The following NOX4 variants were observed in gnomAD, a reference collection of about 807,000 sequenced individuals.
NOX4 encodes kidney oxidase-1.
Under a neutral mutation model 87.6 loss-of-function variants are expected in NOX4, and 69 were observed. That is an observed-to-expected ratio of 0.79 (90% CI 0.65 to 0.96). NOX4 has a LOEUF of 0.96. NOX4 is among the 40% of genes least tolerant of loss of function. The pLI, the probability that NOX4 is intolerant of heterozygous loss-of-function variation, is 0.00. For missense variants in NOX4, 680 were observed against 681.5 expected, an observed-to-expected ratio of 1.00 and a Z score of 0.02; for synonymous variants, 275 against 238.2, an observed-to-expected ratio of 1.15 and a Z score of -1.42.
the NOX4 span, among the ~76,000 whole-genome samples, chr11:89,508,234 G>A: frequency 6.6e-6 from 1 of 152,004 alleles, no homozygotes; most frequent in Non-Finnish European, 1.5e-5. Context: ...CCTCAAAAGT[G>A]AAGTTCCCAA....
chr11:89,491,849 A>T (rs1385916178), upstream of NOX4, among the ~76,000 whole-genome samples: 1 of 152,040 alleles, frequency 6.6e-6, no homozygotes, highest in Non-Finnish European at 1.5e-5. Flanking sequence ...TTTGAGCCGG[A>T]AACAGCCTTT....
At chr11:89,438,410 T>A (rs1186621611) in intron 6 of NOX4, among the ~76,000 whole-genome samples, 1 of 111,392 alleles carries the variant, frequency 9.0e-6, no homozygotes, top group Non-Finnish European at 1.6e-5. Context: ...AAATAATATA[T>A]AATATATAAT....
At chr11:89,540,254 T>C in the NOX4 span, among the ~76,000 whole-genome samples, 1 of 152,134 alleles carries the variant, frequency 6.6e-6, no homozygotes, top group African/African-American at 2.4e-5. Context: ...TCAGTTCTTT[T>C]ATTAGGCTAT....
intron 2 of NOX4, among the ~76,000 whole-genome samples, chr11:89,479,166 C>T (rs1189080602): frequency 6.6e-6 from 1 of 152,072 alleles, no homozygotes; most frequent in East Asian, 1.9e-4. Context: ...GTCTATGCTT[C>T]CATATAAGGT....
At chr11:89,435,970 T>C (rs80010051) in intron 6 of NOX4, among the ~76,000 whole-genome samples, 5,469 of 152,198 alleles carry the variant, frequency 0.036, 325 homozygotes, top group African/African-American at 0.12. Flanking sequence ...GAACTTACAA[T>C]TAGCAAGGGC....
chr11:89,574,970 G>A, the NOX4 span, among the ~76,000 whole-genome samples: 1 of 152,176 alleles, frequency 6.6e-6, no homozygotes, highest in Non-Finnish European at 1.5e-5. Flanking sequence ...ATCACTTAAG[G>A]TCAGGAGTTT....
Position 89,446,141 on chromosome 11 carries a change from T to C in NOX4, c.350-1909A>G, listed in dbSNP as rs949663314. ...TCCACATTATATAACATCAGAGAAA[T>C]GCAAATTAAAATGACAAGTTACCAC... On this transcript the variant is annotated intron_variant, in intron 4 of 17. Transcript: ENST00000263317. 2.6e-5 allele frequency among the ~76,000 whole-genome samples: 4 copies of C among 151,864 alleles called. No individual in the cohort carries two copies. In the East Asian group the frequency reaches 7.7e-4, roughly 29 times the overall value.
chr11:89,480,242 AT>A (rs887543337), intron 2 of NOX4, among the ~76,000 whole-genome samples: 1 of 151,848 alleles, frequency 6.6e-6, no homozygotes, highest in Admixed American at 6.6e-5. Flanking sequence ...GTTGACTGCC[AT>A]TTTTTTTGGC....
rs572810183 is a variant in NOX4, at chr11:89,474,538, A to C, written c.153+15920T>G. Among the ~76,000 whole-genome samples, 3 of 151,788 alleles carry C rather than the reference A, an allele frequency of 2.0e-5. No homozygotes were observed. The South Asian group carries it at 6.2e-4, about 32-fold the overall frequency. ...AATAAATTATGGTGTACATTATGGC[A>C]TTATGGTGCACTATGTAGTCATTAA... On this transcript the variant is annotated intron_variant, in intron 2 of 17. Coordinates refer to ENST00000263317, the MANE Select transcript of NOX4 (RefSeq NM_016931.5).
rs4279996 is a variant in NOX4 at position 89,399,444 on chromosome 11, T to A, written c.1074+573A>T. On this transcript the variant is annotated intron_variant, in intron 11 of 17. Coordinates refer to ENST00000263317, the MANE Select transcript of NOX4 (RefSeq NM_016931.5). ...ATTCAAGAAATTAAATATATATATA[T>A]ATATATATATATATATATATATATA... 9.9e-3 allele frequency among the ~76,000 whole-genome samples: 669 copies of A among 67,690 alleles called. 12 individuals are homozygous for A. Among genetic ancestry groups the A allele is most frequent in the East Asian group, 0.028 (37 of 1,330 alleles). The allele number at this position is 67,690 out of a possible 152,430, so 44.4% of individuals were successfully genotyped here. A position where few individuals can be genotyped will look rare whatever the true frequency, so the allele number is the denominator to read the frequency against.
chr11:89,518,066 A>G, the NOX4 span, among the ~76,000 whole-genome samples: 1 of 152,108 alleles, frequency 6.6e-6, no homozygotes, highest in Non-Finnish European at 1.5e-5. Flanking sequence ...CTAAATCCCA[A>G]AATAATGAAG....
At chr11:89,472,715 A>G (rs1447276086) in intron 2 of NOX4, among the ~76,000 whole-genome samples, 1 of 152,204 alleles carries the variant, frequency 6.6e-6, no homozygotes, top group East Asian at 1.9e-4. Context: ...CAGTGCCAAA[A>G]GCACAGAGGG....
chr11:89,488,017 A>G (rs1946700074), intron 2 of NOX4, among the ~76,000 whole-genome samples: 1 of 152,178 alleles, frequency 6.6e-6, no homozygotes, highest in Non-Finnish European at 1.5e-5. Context: ...AGATAAATTA[A>G]TGACTGGAAA....
At chr11:89,476,848 A>G (rs1489947370) in intron 2 of NOX4, among the ~76,000 whole-genome samples, 3 of 152,238 alleles carry the variant, frequency 2.0e-5, no homozygotes, top group Admixed American at 6.5e-5. Context: ...AAATATAATA[A>G]CAGATGAGAA....
chr11:89,515,843 G>A, the NOX4 span, among the ~76,000 whole-genome samples: 29 of 151,914 alleles, frequency 1.9e-4, no homozygotes, highest in South Asian at 1.2e-3. Context: ...ATACATGTGC[G>A]GCTATTCCTA....
intron 2 of NOX4, among the ~76,000 whole-genome samples, chr11:89,482,815 C>T (rs562052720): frequency 6.6e-6 from 1 of 152,152 alleles, no homozygotes; most frequent in Non-Finnish European, 1.5e-5. Context: ...GAGGGAAACA[C>T]AAACAGTATA....
At chr11:89,363,343 T>C (rs1034679350) in intron 12 of NOX4, among the ~76,000 whole-genome samples, 1 of 152,114 alleles carries the variant, frequency 6.6e-6, no homozygotes, top group South Asian at 2.1e-4. Context: ...TTTTGGATAA[T>C]CAGAATTTCA....
the NOX4 span, among the ~76,000 whole-genome samples, chr11:89,583,325 A>G: frequency 4.6e-5 from 7 of 152,214 alleles, no homozygotes; most frequent in East Asian, 1.9e-4. Flanking sequence ...AACATTTCCA[A>G]TGGTTATTAA....
chr11:89,445,028 G>A (rs1944631930), intron 4 of NOX4, among the ~76,000 whole-genome samples: 1 of 152,004 alleles, frequency 6.6e-6, no homozygotes, highest in Non-Finnish European at 1.5e-5. Flanking sequence ...TTGCTTGTAG[G>A]CAAAATAAGG....
Sources: gnomAD v4.1 joint callset for allele counts (sites outside exome capture counted in the v4.1 genomes callset) on GRCh38, gnomAD v4.1.1 for gene constraint, MANE v1.5 for transcripts, NCBI Gene and HGNC (gene_info 2026-07-23, HGNC 2026-07-21) for gene names.